The following STXBP5L variants were observed in gnomAD, a reference collection of about 807,000 sequenced individuals.
The protein encoded by STXBP5L is syntaxin-binding protein 5-like.
In STXBP5L, 65 loss-of-function variants were observed where a neutral mutation model predicts 144.5. That is an observed-to-expected ratio of 0.45 (90% CI 0.37 to 0.55). The LOEUF (loss-of-function observed/expected upper bound fraction) is 0.55, where lower values mean the gene tolerates loss of function less well. Among genes scored for constraint, STXBP5L ranks in the 20% least tolerant of loss-of-function variants. STXBP5L has a pLI of 0.00. For missense variants in STXBP5L, 1,298 were observed against 1,405.5 expected (o/e 0.92, Z 1.22); for synonymous variants, 505 against 469.6 (o/e 1.08, Z -0.97).
chr3:121,189,061 C>A (rs941739728), intron 9 of STXBP5L, among the ~76,000 whole-genome samples: 1 of 152,124 alleles, frequency 6.6e-6, no homozygotes, highest in Non-Finnish European at 1.5e-5. Flanking sequence ...TTAGAAAACC[C>A]CATTGTCTTC....
intron 5 of STXBP5L, among the ~76,000 whole-genome samples, chr3:121,095,402 C>T (rs2107755450): frequency 6.6e-6 from 1 of 152,270 alleles, no homozygotes; most frequent in South Asian, 2.1e-4. Context: ...GTTCCATGCT[C>T]CCCGTCACTT....
chr3:121,075,645 G>T (rs536546921), intron 5 of STXBP5L, among the ~76,000 whole-genome samples: 1 of 152,206 alleles, frequency 6.6e-6, no homozygotes, highest in Non-Finnish European at 1.5e-5. Context: ...GACTTGCAGA[G>T]TCTCTCATAA....
intron 14 of STXBP5L, among the ~76,000 whole-genome samples, chr3:121,241,376 TACAC>T (rs4048752): frequency 0.052 from 7,670 of 146,838 alleles, 255 homozygotes; most frequent in African/African-American, 0.095. Flanking sequence ...CACACACACA[TACAC>T]ACACACACAC....
intron 5 of STXBP5L, among the ~76,000 whole-genome samples, chr3:121,111,170 T>C (rs1312082631): frequency 9.9e-5 from 15 of 152,164 alleles, no homozygotes; most frequent in Non-Finnish European, 1.5e-4. Flanking sequence ...CTTCTTTGCA[T>C]TGGGTTAGAA....
intron 19 of STXBP5L, among the ~76,000 whole-genome samples, chr3:121,312,435 G>A (rs2043567556): frequency 1.0e-5 from 1 of 99,166 alleles, no homozygotes; most frequent in African/African-American, 3.9e-5. Context: ...TTTGACTTAA[G>A]GTATGTCAAT....
At chr3:121,276,379 T>A (rs2050887811) in intron 18 of STXBP5L, among the ~76,000 whole-genome samples, 2 of 152,006 alleles carry the variant, frequency 1.3e-5, no homozygotes. Context: ...AATTTTACTT[T>A]AGTCAATTAT....
chr3:121,007,346 T>C (rs1207354367), intron 3 of STXBP5L, among the ~76,000 whole-genome samples: 1 of 152,044 alleles, frequency 6.6e-6, no homozygotes, highest in Non-Finnish European at 1.5e-5. Flanking sequence ...AGCTTTCTTT[T>C]ATGATAATAG....
chr3:121,413,091 G>T, intron 23 of STXBP5L, 67 bp from the exon 24 acceptor site: 1 of 1,201,754 alleles, frequency 8.3e-7, no homozygotes, highest in Non-Finnish European at 1.1e-6. Context: ...AAAAATTACT[G>T]TTTTTATGTA....
At chr3:121,264,628 A>G (rs1449843126) in intron 18 of STXBP5L, among the ~76,000 whole-genome samples, 1 of 152,170 alleles carries the variant, frequency 6.6e-6, no homozygotes, top group Non-Finnish European at 1.5e-5. Context: ...ACATAACAAT[A>G]TTAACCTTAA....
intron 3 of STXBP5L, among the ~76,000 whole-genome samples, chr3:121,011,964 AT>A (rs1187159593): frequency 6.6e-6 from 1 of 151,700 alleles, no homozygotes; most frequent in African/African-American, 2.4e-5. Flanking sequence ...GTCACTTTCT[AT>A]TTTCTATTTC....
At chr3:121,188,100 C>G (rs1190083742) in intron 9 of STXBP5L, among the ~76,000 whole-genome samples, 1 of 152,100 alleles carries the variant, frequency 6.6e-6, no homozygotes, top group East Asian at 1.9e-4. Flanking sequence ...AAATTTAACA[C>G]TCTACTGTCA....
At chr3:121,194,912 T>A (rs1296344126) in intron 9 of STXBP5L, among the ~76,000 whole-genome samples, 1 of 129,440 alleles carries the variant, frequency 7.7e-6, no homozygotes, top group African/African-American at 2.9e-5. Flanking sequence ...TTTCACTCTT[T>A]TTTTTTTTTT....
intron 3 of STXBP5L, among the ~76,000 whole-genome samples, chr3:120,960,749 G>T (rs942402637): frequency 2.0e-5 from 3 of 152,020 alleles, no homozygotes; most frequent in African/African-American, 7.2e-5. Flanking sequence ...ATCACACCCT[G>T]GGGCCTGTTG....
chr3:121,351,032 G>A (rs146950966), intron 20 of STXBP5L, among the ~76,000 whole-genome samples: 2,445 of 151,510 alleles, frequency 0.016, 84 homozygotes, highest in African/African-American at 0.056. Flanking sequence ...GAGGAGAGGC[G>A]CTCTGGTTTT....
At chr3:121,405,006 G>A (rs943429304) in intron 22 of STXBP5L, among the ~76,000 whole-genome samples, 38 of 152,148 alleles carry the variant, frequency 2.5e-4, no homozygotes, top group African/African-American at 9.2e-4. Flanking sequence ...CCTTCTTGCT[G>A]TGTGCTCACA....
intron 19 of STXBP5L, among the ~76,000 whole-genome samples, chr3:121,284,868 A>C (rs575472250): frequency 6.6e-6 from 1 of 152,232 alleles, no homozygotes; most frequent in East Asian, 1.9e-4. Context: ...TAGGATTTCA[A>C]ATCAGATTTC....
intron 5 of STXBP5L, among the ~76,000 whole-genome samples, chr3:121,111,879 G>A (rs1295409868): frequency 6.6e-6 from 1 of 152,030 alleles, no homozygotes; most frequent in Non-Finnish European, 1.5e-5. Flanking sequence ...CCTGCAAGGG[G>A]CTCTATCCCA....
chr3:121,332,255 A>C (rs1286853658), intron 20 of STXBP5L, among the ~76,000 whole-genome samples: 2 of 152,028 alleles, frequency 1.3e-5, no homozygotes, highest in East Asian at 3.8e-4. Flanking sequence ...AACCAAGATG[A>C]AATCTTTAAA....
chr3:121,383,180 T>C (rs2046356939), intron 22 of STXBP5L, among the ~76,000 whole-genome samples: 1 of 152,076 alleles, frequency 6.6e-6, no homozygotes, highest in Non-Finnish European at 1.5e-5. Context: ...CTCACACCTA[T>C]AATCCCAGCA....
Sources: gnomAD v4.1 joint callset for allele counts (sites outside exome capture counted in the v4.1 genomes callset) on GRCh38, gnomAD v4.1.1 for gene constraint, MANE v1.5 for transcripts, NCBI Gene and HGNC (gene_info 2026-07-23, HGNC 2026-07-21) for gene names.